Variants in DMD observed in about 807,000 individuals in gnomAD.
DMD encodes mutant dystrophin.
In DMD, 63 loss-of-function variants were observed where a neutral mutation model predicts 330.1. The observed-to-expected ratio is 0.19, with a 90% CI of 0.16 to 0.24. The LOEUF is 0.24. DMD is among the 10% of genes least tolerant of loss of function. DMD has a pLI of 1.00. For missense variants in DMD, 3,344 were observed against 2,684.1 expected, an observed-to-expected ratio of 1.25 and a Z score of -5.43; for synonymous variants, 1,223 against 959.8, an observed-to-expected ratio of 1.27 and a Z score of -5.07.
Position 32,545,198 on chromosome X carries a change from T to C in DMD, c.2129A>G (p.Lys710Arg). The change falls in exon 17 of 79, where the codon AAG becomes AGG. Residue 710 changes from lysine (K) to arginine (R), a missense_variant. Lys to Arg is a conservative substitution (Grantham distance 26, BLOSUM62 2). Coordinates refer to ENST00000357033, the MANE Select transcript of DMD (RefSeq NM_004006.3). ...AGAATCCACAGTAATCTGCCTCTTC[T>C]TTTGGGGAGGTGGTGGTGGAAGTTC... ...QEELPPPPPQ[K>R]KRQITVDSEI... 2 of 1,211,081 alleles carry C rather than the reference T, an allele frequency of 1.7e-6. No individual in the cohort carries two copies. The highest frequency in any genetic ancestry group is 3.5e-5 in the South Asian group (2 of 56,969).
chrX:32,835,053 C>A (rs927964350), intron 4 of DMD, among the ~76,000 whole-genome samples: 6 of 111,393 alleles, frequency 5.4e-5, no homozygotes, highest in Non-Finnish European at 1.1e-4. Context: ...AAAAATTAAT[C>A]ATTAAACTAG....
rs141706184 is a variant in DMD at position 33,317,372 on chromosome X, C to T, written c.7+21887G>A. On this transcript the variant is annotated intron_variant, in intron 1 of 17. Transcript: ENST00000288447. Reference sequence around the variant, plus strand: ...AAACCTTTTCATGCTGCAAACACTACAATATATTTCTGCAATATCAACTAA... The same window carrying T: ...AAACCTTTTCATGCTGCAAACACTATAATATATTTCTGCAATATCAACTAA... 4.9e-3 allele frequency among the ~76,000 whole-genome samples: 547 copies of T among 111,662 alleles called. 3 individuals are homozygous for T. The highest frequency in any genetic ancestry group is 0.016 in the African/African-American group (502 of 30,874).
chrX:31,575,712 A>G (rs903871236), intron 55 of DMD, among the ~76,000 whole-genome samples: 2 of 112,429 alleles, frequency 1.8e-5, no homozygotes, highest in African/African-American at 6.5e-5. Flanking sequence ...CAACTAATAT[A>G]CTGGGCTGTT....
intron 43 of DMD, among the ~76,000 whole-genome samples, chrX:32,224,133 C>A (rs1479391444): frequency 9.0e-6 from 1 of 110,728 alleles, no homozygotes; most frequent in Non-Finnish European, 1.9e-5. Context: ...GTGTGTATTC[C>A]AAATAATTTA....
intron 48 of DMD, 23 bp from the exon 49 acceptor site, chrX:31,836,842 T>G: frequency 8.7e-7 from 1 of 1,148,304 alleles, no homozygotes; most frequent in Non-Finnish European, 1.2e-6. Context: ...ACCCATATAG[T>G]GCAGATTAAC....
chrX:31,697,113 C>A (rs1338366191), intron 52 of DMD, among the ~76,000 whole-genome samples: 1 of 111,881 alleles, frequency 8.9e-6, no homozygotes, highest in Non-Finnish European at 1.9e-5. Flanking sequence ...ATCATATAGA[C>A]CTGGTAATTG....
chrX:31,170,386 T>TG (rs962234191), intron 73 of DMD, among the ~76,000 whole-genome samples: 6 of 111,090 alleles, frequency 5.4e-5, no homozygotes, highest in African/African-American at 2.0e-4. Flanking sequence ...CAATCTTTCC[T>TG]GGAAACTAGG....
chrX:32,976,481 A>G (rs970388051), intron 2 of DMD, among the ~76,000 whole-genome samples: 3 of 111,975 alleles, frequency 2.7e-5, no homozygotes, highest in South Asian at 7.4e-4. Context: ...TCAATTTTAC[A>G]TATAAATACA....
intron 60 of DMD, among the ~76,000 whole-genome samples, chrX:31,424,658 G>A (rs2063602181): frequency 8.9e-6 from 1 of 112,248 alleles, no homozygotes; most frequent in Admixed American, 9.5e-5. Context: ...ACCAACAGAA[G>A]ATATATTTGT....
At chrX:33,004,772 C>A (rs1202232100) in intron 2 of DMD, among the ~76,000 whole-genome samples, 1 of 110,038 alleles carries the variant, frequency 9.1e-6, no homozygotes, top group Non-Finnish European at 1.9e-5. Context: ...CAAGGAGCAT[C>A]TTTCTCCTTG....
At chrX:32,980,867 A>G (rs1363324890) in intron 2 of DMD, among the ~76,000 whole-genome samples, 1 of 111,895 alleles carries the variant, frequency 8.9e-6, no homozygotes, top group Admixed American at 9.5e-5. Flanking sequence ...CATAGCATTA[A>G]GTCTTCTTAT....
At chrX:32,345,905 A>AC (rs1569559089) in intron 39 of DMD, 38 bp downstream of exon 39, 1 of 1,199,795 alleles carries the variant, frequency 8.3e-7, no homozygotes, top group East Asian at 3.0e-5. Context: ...TTAAAAAAAA[A>AC]CCACAGGCAA....
chrX:32,999,952 T>C (rs1208021221), intron 2 of DMD, among the ~76,000 whole-genome samples: 1 of 112,763 alleles, frequency 8.9e-6, no homozygotes, highest in African/African-American at 3.2e-5. Flanking sequence ...ACATTTTCTT[T>C]TGATCACTCT....
intron 47 of DMD, among the ~76,000 whole-genome samples, chrX:31,898,629 T>G (rs758172159): frequency 2.4e-4 from 27 of 111,903 alleles, no homozygotes; most frequent in African/African-American, 6.2e-4. Context: ...CAAGATGGAT[T>G]AAAGACTTAA....
At chrX:31,821,310 A>C (rs915092756) in intron 49 of DMD, among the ~76,000 whole-genome samples, 8 of 112,456 alleles carry the variant, frequency 7.1e-5, no homozygotes, top group African/African-American at 2.6e-4. Context: ...GAGCCCAATA[A>C]TTTGCATTTT....
rs1033109673 is a variant in DMD, at chrX:31,745,619, C to T, written c.7543-15871G>A. 1.3e-4 allele frequency among the ~76,000 whole-genome samples: 15 copies of T among 111,917 alleles called. No individual in the cohort carries two copies. In the Admixed American group the frequency reaches 1.4e-3, roughly 11 times the overall value. On this transcript the variant is annotated intron_variant, in intron 51 of 78. Coordinates refer to ENST00000357033, the MANE Select transcript of DMD (RefSeq NM_004006.3). ...TCTTTTTAAGAAGAATATAATAACTCCACTGCACACAAGGAACATAAATTC... is the reference window on the plus strand; with the variant it reads ...TCTTTTTAAGAAGAATATAATAACTTCACTGCACACAAGGAACATAAATTC...
chrX:31,592,898 A>C (rs868483994), intron 55 of DMD, among the ~76,000 whole-genome samples: 11 of 111,164 alleles, frequency 9.9e-5, no homozygotes, highest in Middle Eastern at 9.2e-3. Flanking sequence ...TACAATGCCA[A>C]ATACATGATC....
chrX:32,551,553 A>C (rs2049560459), intron 16 of DMD, among the ~76,000 whole-genome samples: 1 of 111,952 alleles, frequency 8.9e-6, no homozygotes, highest in Non-Finnish European at 1.9e-5. Flanking sequence ...CAAAAGCCAG[A>C]AGCATTGTGC....
At chrX:31,132,194 G>C (rs963309317) in intron 77 of DMD, among the ~76,000 whole-genome samples, 1 of 111,942 alleles carries the variant, frequency 8.9e-6, no homozygotes, top group African/African-American at 3.2e-5. Flanking sequence ...GGCCTGAATT[G>C]AGTTTCCCAA....
Sources: gnomAD v4.1 joint callset for allele counts (sites outside exome capture counted in the v4.1 genomes callset) on GRCh38, gnomAD v4.1.1 for gene constraint, MANE v1.5 for transcripts, NCBI Gene and HGNC (gene_info 2026-07-23, HGNC 2026-07-21) for gene names.